The following OTUD7B variants were observed in gnomAD, a reference collection of about 807,000 sequenced individuals.
The protein encoded by OTUD7B is OTU domain-containing protein 7B.
Under a neutral mutation model 82.2 loss-of-function variants are expected in OTUD7B, and 34 were observed. The observed-to-expected ratio is 0.41, with a 90% confidence interval of 0.31 to 0.55. The LOEUF (loss-of-function observed/expected upper bound fraction) is 0.55. OTUD7B is among the 20% of genes least tolerant of loss of function. The pLI, the probability that OTUD7B is intolerant of heterozygous loss-of-function variation, is 0.20. For synonymous variants in OTUD7B, 398 were observed against 402.7 expected (o/e 0.99, Z 0.14); for missense variants, 944 against 1,062.1 (o/e 0.89, Z 1.55).
intron 1 of OTUD7B, among the ~76,000 whole-genome samples, chr1:150,000,806 C>T (rs1372261992): frequency 2.6e-5 from 4 of 151,974 alleles, no homozygotes; most frequent in Non-Finnish European, 5.9e-5. Context: ...GGGCAAAACT[C>T]CGTCTCTACT....
intron 1 of OTUD7B, among the ~76,000 whole-genome samples, chr1:149,979,528 T>C (rs2101865815): frequency 2.0e-5 from 3 of 152,362 alleles, no homozygotes; most frequent in African/African-American, 7.2e-5. Context: ...TATAGCCTCA[T>C]GATCTATGAT....
chr1:150,023,659 G>A, the OTUD7B span, among the ~76,000 whole-genome samples: 3 of 152,132 alleles, frequency 2.0e-5, no homozygotes, highest in Admixed American at 1.3e-4. Flanking sequence ...AGAGATGTTG[G>A]TCAAAGGATA....
chr1:149,964,314 G>A lies in OTUD7B; in HGVS notation c.640C>T (p.Arg214Trp), dbSNP rs371453598. Residue 214 changes from arginine to tryptophan, a missense_variant, in exon 6 of 12, where the codon CGG (arginine) becomes TGG (tryptophan). By Grantham distance (101) the Arg-to-Trp change is moderately radical (BLOSUM62 -3). Transcript: ENST00000581312. ...WGFHDRDLML[R>W]KALYALMEKG... Reference sequence around the variant, plus strand: ...TCCATCAGTGCATACAAAGCTTTCCGCAGCATCAAGTCCCGATCATGGAAA... The same window carrying A: ...TCCATCAGTGCATACAAAGCTTTCCACAGCATCAAGTCCCGATCATGGAAA... 2.5e-6 allele frequency: 4 copies of A among 1,613,766 alleles called. No individual in the cohort carries two copies. Among genetic ancestry groups the A allele is most frequent in the African/African-American group, 1.3e-5 (1 of 74,872 alleles).
the OTUD7B span, among the ~76,000 whole-genome samples, chr1:150,020,604 C>T: frequency 6.6e-6 from 1 of 152,136 alleles, no homozygotes; most frequent in East Asian, 1.9e-4. Flanking sequence ...TGTACCCTTG[C>T]CCCAGACCCC....
the OTUD7B span, among the ~76,000 whole-genome samples, chr1:150,049,234 A>G: frequency 9.9e-5 from 15 of 152,034 alleles, no homozygotes; most frequent in Admixed American, 9.8e-4. Context: ...TCTCAATTCA[A>G]TGTTCTTTTC....
chr1:150,003,109 G>A (rs1652408784), intron 1 of OTUD7B, among the ~76,000 whole-genome samples: 1 of 152,056 alleles, frequency 6.6e-6, no homozygotes, highest in Admixed American at 6.5e-5. Context: ...AATTAGCCGG[G>A]CATGGTGGCG....
At chr1:149,979,963 A>G (rs1650602070) in intron 1 of OTUD7B, among the ~76,000 whole-genome samples, 1 of 152,204 alleles carries the variant, frequency 6.6e-6, no homozygotes, top group Non-Finnish European at 1.5e-5. Flanking sequence ...AGCCATTTTA[A>G]TAACTTTCTG....
chr1:149,953,677 A>T (rs587697313), intron 7 of OTUD7B, among the ~76,000 whole-genome samples: 1 of 152,260 alleles, frequency 6.6e-6, no homozygotes, highest in South Asian at 2.1e-4. Flanking sequence ...TTCCTATCCA[A>T]GAGCATGAAA....
upstream of OTUD7B, among the ~76,000 whole-genome samples, chr1:150,011,419 G>A (rs1030743634): frequency 1.1e-4 from 17 of 152,104 alleles, no homozygotes; most frequent in Admixed American, 1.1e-3. Flanking sequence ...GATACAGGGG[G>A]ATACAAAAAT....
rs1370725015 is a variant in OTUD7B at position 149,943,773 on chromosome 1, T to C, written c.*84A>G. The C allele has an allele frequency of 1.8e-5, 25 of 1,374,788 alleles. No homozygotes were observed. The highest frequency in any genetic ancestry group is 2.5e-5 in the Non-Finnish European group (25 of 986,048). 85.2% of individuals were successfully genotyped at this position (1,374,788 alleles called of 1,614,324 possible). On this transcript the variant is annotated 3_prime_UTR_variant, in exon 12 of 12. Transcript: ENST00000581312. ...CACAAACATTACTGCATTTTCCCCCTCAACATGGGGACTGTGTTCTTGATG... is the reference window on the plus strand; with the variant it reads ...CACAAACATTACTGCATTTTCCCCCCCAACATGGGGACTGTGTTCTTGATG...
At chr1:150,044,889 C>A in the OTUD7B span, among the ~76,000 whole-genome samples, 1 of 39,844 alleles carries the variant, frequency 2.5e-5, no homozygotes, top group African/African-American at 1.1e-4. Flanking sequence ...GATTGTGTGC[C>A]TTTAAATTGG....
At chr1:149,964,444 C>T in intron 5 of OTUD7B, 95 bp from the exon 6 acceptor site, 1 of 1,331,666 alleles carries the variant, frequency 7.5e-7, no homozygotes, top group Admixed American at 2.0e-5. Context: ...GTTGGCCAGG[C>T]TGGTCTCAAA....
At chr1:150,051,501 T>G in the OTUD7B span, among the ~76,000 whole-genome samples, 1 of 152,056 alleles carries the variant, frequency 6.6e-6, no homozygotes, top group African/African-American at 2.4e-5. Flanking sequence ...TTATTATTAT[T>G]ATGTCTAGTT....
the OTUD7B span, among the ~76,000 whole-genome samples, chr1:150,032,465 G>GAAAAA: frequency 0.016 from 1,345 of 85,680 alleles, 170 homozygotes; most frequent in African/African-American, 0.052. Flanking sequence ...CCTGTCTACA[G>GAAAAA]AAAAAAAAAA....
At chr1:150,059,078 G>C in the OTUD7B span, among the ~76,000 whole-genome samples, 3 of 142,882 alleles carry the variant, frequency 2.1e-5, no homozygotes, top group Admixed American at 2.1e-4. Context: ...TTTTGTGACG[G>C]AGTCTTACTC....
the OTUD7B span, among the ~76,000 whole-genome samples, chr1:150,035,836 A>C: frequency 6.6e-6 from 1 of 152,178 alleles, no homozygotes; most frequent in Non-Finnish European, 1.5e-5. Context: ...GTTCAAAGTC[A>C]GTATCTTTTA....
At chr1:149,981,125 G>A (rs957886762) in intron 1 of OTUD7B, among the ~76,000 whole-genome samples, 13 of 151,632 alleles carry the variant, frequency 8.6e-5, no homozygotes, top group African/African-American at 3.1e-4. Context: ...GGAGGGGGAG[G>A]GGGAGAAGAA....
the OTUD7B span, among the ~76,000 whole-genome samples, chr1:150,026,116 G>A: frequency 6.6e-6 from 1 of 152,184 alleles, no homozygotes; most frequent in Non-Finnish European, 1.5e-5. Flanking sequence ...GGAGCAGGAA[G>A]GACTGAGAAA....
the OTUD7B span, among the ~76,000 whole-genome samples, chr1:150,046,830 G>A: frequency 3.7e-3 from 569 of 151,912 alleles, 3 homozygotes; most frequent in Middle Eastern, 0.037. Flanking sequence ...CAGCACTTTG[G>A]GAGGCTGAGG....
Sources: gnomAD v4.1 joint callset for allele counts (sites outside exome capture counted in the v4.1 genomes callset) on GRCh38, gnomAD v4.1.1 for gene constraint, MANE v1.5 for transcripts, NCBI Gene and HGNC (gene_info 2026-07-23, HGNC 2026-07-21) for gene names.